The following KHDRBS2 variants were observed in gnomAD, a reference collection of about 807,000 sequenced individuals.
KHDRBS2 encodes the protein KH RNA binding domain containing, signal transduction associated 2.
A neutral mutation model predicts 44.3 loss-of-function variants in KHDRBS2; 26 were observed. The ratio of observed to expected loss-of-function variants is 0.59; its 90% CI spans 0.43 to 0.81. The LOEUF (loss-of-function observed/expected upper bound fraction) is 0.81. KHDRBS2 is among the 40% of genes least tolerant of loss of function. The pLI, the probability that KHDRBS2 is intolerant of heterozygous loss-of-function variation, is 0.00. For missense variants in KHDRBS2, 476 were observed against 433.1 expected (o/e 1.10, Z -0.88); for synonymous variants, 194 against 151.1 (o/e 1.28, Z -2.08).
chr6:62,048,055 A>G, intron 2 of KHDRBS2, 61 bp from the exon 3 acceptor site: 1 of 971,760 alleles, frequency 1.0e-6, no homozygotes, highest in South Asian at 1.3e-5. Context: ...TATTTGCACC[A>G]AGAGTAATTG....
chr6:62,085,598 CA>C (rs1403829869), intron 2 of KHDRBS2, among the ~76,000 whole-genome samples: 4 of 152,122 alleles, frequency 2.6e-5, no homozygotes, highest in African/African-American at 9.6e-5. Flanking sequence ...ATATTAAGCA[CA>C]AACAAAATGC....
the KHDRBS2 span, among the ~76,000 whole-genome samples, chr6:61,626,159 C>T: frequency 6.6e-6 from 1 of 152,180 alleles, no homozygotes; most frequent in African/African-American, 2.4e-5. Flanking sequence ...CTTCTGGAAT[C>T]CAGCTCTGAT....
chr6:62,088,192 C>T (rs1326143352), intron 2 of KHDRBS2, among the ~76,000 whole-genome samples: 3 of 152,314 alleles, frequency 2.0e-5, no homozygotes, highest in South Asian at 4.1e-4. Context: ...AAGTCTACTA[C>T]TGTCAATTCG....
intron 6 of KHDRBS2, among the ~76,000 whole-genome samples, chr6:61,795,655 T>A (rs951811127): frequency 6.6e-6 from 1 of 152,196 alleles, no homozygotes; most frequent in Non-Finnish European, 1.5e-5. Flanking sequence ...CACAATTTTC[T>A]TATGTGAGTA....
intron 1 of KHDRBS2, among the ~76,000 whole-genome samples, chr6:62,184,532 G>A (rs1001233512): frequency 1.3e-5 from 2 of 151,668 alleles, no homozygotes; most frequent in African/African-American, 4.8e-5. Context: ...AAAAATTGAG[G>A]AGTCCTTAAT....
chr6:62,212,731 T>A (rs1829286671), intron 1 of KHDRBS2, among the ~76,000 whole-genome samples: 1 of 152,180 alleles, frequency 6.6e-6, no homozygotes, highest in Non-Finnish European at 1.5e-5. Context: ...GATTCTTCCC[T>A]AGTGCCTTCA....
chr6:62,052,415 TG>T (rs928165865), intron 2 of KHDRBS2, among the ~76,000 whole-genome samples: 10 of 151,514 alleles, frequency 6.6e-5, no homozygotes, highest in Non-Finnish European at 8.8e-5. Flanking sequence ...ATATGGAATC[TG>T]AAAAAAAATA....
At chr6:62,021,603 G>A (rs1782323833) in intron 3 of KHDRBS2, among the ~76,000 whole-genome samples, 1 of 151,492 alleles carries the variant, frequency 6.6e-6, no homozygotes, top group Non-Finnish European at 1.5e-5. Context: ...ATTTCTGGAA[G>A]GTAATGAAAC....
At chr6:61,725,777 A>G (rs1284509307) in intron 7 of KHDRBS2, among the ~76,000 whole-genome samples, 1 of 152,108 alleles carries the variant, frequency 6.6e-6, no homozygotes, top group Non-Finnish European at 1.5e-5. Context: ...ACTAATAACG[A>G]GTTCTGAAAT....
intron 2 of KHDRBS2, among the ~76,000 whole-genome samples, chr6:62,095,151 T>A (rs564688009): frequency 2.6e-5 from 4 of 151,950 alleles, no homozygotes; most frequent in African/African-American, 7.2e-5. Flanking sequence ...ATATTCTATA[T>A]GTTTTCTACA....
At chr6:61,894,567 T>G in intron 6 of KHDRBS2, 68 bp downstream of exon 6, 2 of 1,281,376 alleles carry the variant, frequency 1.6e-6, no homozygotes, top group Non-Finnish European at 2.2e-6. Context: ...ATATGAACAG[T>G]TTGAGACGTA....
chr6:61,619,101 A>G, the KHDRBS2 span, among the ~76,000 whole-genome samples: 1 of 152,162 alleles, frequency 6.6e-6, no homozygotes, highest in South Asian at 2.1e-4. Flanking sequence ...GAAATTGAAT[A>G]TAAAAAAAGT....
intron 2 of KHDRBS2, among the ~76,000 whole-genome samples, chr6:62,080,013 G>A (rs1797091618): frequency 6.6e-6 from 1 of 151,778 alleles, no homozygotes; most frequent in South Asian, 2.1e-4. Context: ...AATGTACAAT[G>A]TTTCTGATGA....
intron 3 of KHDRBS2, among the ~76,000 whole-genome samples, chr6:61,981,467 GT>G (rs370739713): frequency 0.042 from 6,337 of 149,650 alleles, 416 homozygotes; most frequent in African/African-American, 0.14. Context: ...AAAAAACTGA[GT>G]TTTTTTTTAA....
intron 6 of KHDRBS2, among the ~76,000 whole-genome samples, chr6:61,836,853 C>T (rs990545525): frequency 2.0e-5 from 3 of 152,004 alleles, no homozygotes; most frequent in African/African-American, 7.2e-5. Flanking sequence ...AGTATTTATA[C>T]TTCAATTAGT....
At chr6:62,054,212 A>T (rs2127317215) in intron 2 of KHDRBS2, among the ~76,000 whole-genome samples, 1 of 152,218 alleles carries the variant, frequency 6.6e-6, no homozygotes, top group East Asian at 1.9e-4. Flanking sequence ...GTCCAAGAAG[A>T]GCCAAAACCA....
At chr6:61,563,007 A>G in the KHDRBS2 span, among the ~76,000 whole-genome samples, 1 of 152,132 alleles carries the variant, frequency 6.6e-6, no homozygotes, top group South Asian at 2.1e-4. Context: ...ATACTGGCTT[A>G]ATGCTTATTC....
chr6:62,104,480 A>T (rs1802678640), intron 2 of KHDRBS2, among the ~76,000 whole-genome samples: 1 of 152,234 alleles, frequency 6.6e-6, no homozygotes, highest in Non-Finnish European at 1.5e-5. Context: ...AAAATTGGGT[A>T]TCAGTAATTA....
At chr6:62,083,667 C>T (rs1460090240) in intron 2 of KHDRBS2, among the ~76,000 whole-genome samples, 2 of 152,290 alleles carry the variant, frequency 1.3e-5, no homozygotes, top group Non-Finnish European at 2.9e-5. Flanking sequence ...CACTCACCTG[C>T]ATGCTCCACC....
Sources: allele counts gnomAD v4.1 joint callset (sites outside exome capture counted in the v4.1 genomes callset), GRCh38; gene constraint gnomAD v4.1.1; transcripts MANE v1.5; gene names NCBI Gene and HGNC (gene_info 2026-07-23, HGNC 2026-07-21).